The following BARX2 variants were observed in gnomAD, a reference collection of about 807,000 sequenced individuals.
BARX2 encodes the protein BARX homeobox 2, also known as homeobox protein BarH-like 2.
In BARX2, 11 loss-of-function variants were observed where a neutral mutation model predicts 25.5. The ratio of observed to expected loss-of-function variants is 0.43; its 90% CI spans 0.27 to 0.71. BARX2 has a LOEUF of 0.71. BARX2 is among the 30% of genes least tolerant of loss of function. The pLI is 0.19. For missense variants in BARX2, 360 were observed against 359.9 expected (o/e 1.00, Z 0.00); for synonymous variants, 137 against 149.5 (o/e 0.92, Z 0.61).
intron 1 of BARX2, among the ~76,000 whole-genome samples, chr11:129,429,529 G>GA (rs1328688584): frequency 1.3e-5 from 2 of 151,300 alleles, no homozygotes; most frequent in Admixed American, 6.6e-5. Flanking sequence ...TGTCTCTAAG[G>GA]AAAAAAAACG....
chr11:129,438,062 C>A (rs1277677366), intron 2 of BARX2: 2 of 151,516 alleles, frequency 1.3e-5, no homozygotes, highest in Middle Eastern at 3.2e-3. Flanking sequence ...TGTTGGCTCA[C>A]GCCTGTAATC....
At chr11:129,421,857 T>G (rs1164762009) in intron 1 of BARX2, among the ~76,000 whole-genome samples, 1 of 152,206 alleles carries the variant, frequency 6.6e-6, no homozygotes, top group Admixed American at 6.5e-5. Flanking sequence ...CTTTTTTTTT[T>G]GGACAGTTAT....
intron 1 of BARX2, among the ~76,000 whole-genome samples, chr11:129,395,985 A>G (rs1211456970): frequency 6.6e-6 from 1 of 152,176 alleles, no homozygotes; most frequent in Non-Finnish European, 1.5e-5. Context: ...GTCTGTTTCT[A>G]CAGCAGAAAG....
intron 1 of BARX2, among the ~76,000 whole-genome samples, chr11:129,377,836 C>T (rs1565506752): frequency 6.6e-6 from 1 of 152,178 alleles, no homozygotes; most frequent in East Asian, 1.9e-4. Flanking sequence ...TTTTCAGTGA[C>T]TTTGTGCTGT....
chr11:129,404,994 T>C (rs1266133973), intron 1 of BARX2, among the ~76,000 whole-genome samples: 1 of 152,202 alleles, frequency 6.6e-6, no homozygotes, highest in East Asian at 1.9e-4. Context: ...TGCAAAAATA[T>C]GTGGGTTATA....
chr11:129,435,266 G>C (rs1022826825), intron 1 of BARX2, among the ~76,000 whole-genome samples: 1 of 152,190 alleles, frequency 6.6e-6, no homozygotes, highest in South Asian at 2.1e-4. Context: ...GTTGGCTGGA[G>C]AGTTAATGGA....
chr11:129,426,749 T>C (rs1862067998), intron 1 of BARX2, among the ~76,000 whole-genome samples: 1 of 152,190 alleles, frequency 6.6e-6, no homozygotes, highest in African/African-American at 2.4e-5. Context: ...TCCTTGCCTG[T>C]TACTAACCTT....
At chr11:129,426,985 G>A (rs1015318130) in intron 1 of BARX2, among the ~76,000 whole-genome samples, 4 of 152,166 alleles carry the variant, frequency 2.6e-5, no homozygotes, top group African/African-American at 9.7e-5. Context: ...GAAACTGGCC[G>A]ACTCTGCTAC....
intron 3 of BARX2, among the ~76,000 whole-genome samples, chr11:129,450,928 T>C (rs927940194): frequency 4.6e-5 from 7 of 152,170 alleles, no homozygotes; most frequent in African/African-American, 9.7e-5. Flanking sequence ...CCAAAATATA[T>C]AATGTTGACC....
intron 2 of BARX2, among the ~76,000 whole-genome samples, chr11:129,441,153 T>G (rs1471485345): frequency 1.3e-5 from 2 of 152,196 alleles, no homozygotes; most frequent in East Asian, 3.9e-4. Context: ...CTCATTCTAC[T>G]TGTCCCACCC....
At chr11:129,424,251 T>C (rs149528759) in intron 1 of BARX2, among the ~76,000 whole-genome samples, 1 of 152,372 alleles carries the variant, frequency 6.6e-6, no homozygotes, top group African/African-American at 2.4e-5. Flanking sequence ...AGAGCCCTTC[T>C]GGGGAGCATC....
At chr11:129,447,476 G>A (rs980936273) in intron 3 of BARX2, among the ~76,000 whole-genome samples, 1 of 152,180 alleles carries the variant, frequency 6.6e-6, no homozygotes, top group African/African-American at 2.4e-5. Context: ...AGGGCTCCTA[G>A]GAGGAAGGCC....
rs755573967 is a variant in BARX2, at chr11:129,451,293, G to A, written c.731G>A (p.Cys244Tyr). 1.4e-5 allele frequency: 22 copies of A among 1,614,092 alleles called. No homozygotes were observed. The highest frequency in any genetic ancestry group is 4.5e-5 in the East Asian group (2 of 44,906). The change falls in exon 4 of 4, where the codon TGT becomes TAT. Residue 244 changes from cysteine (C) to tyrosine (Y), a missense_variant. By Grantham distance (194) the Cys-to-Tyr change is radical. This residue lies in a region of BARX2 where 114 missense variants were observed against 109.4 expected (regional missense o/e 1.04). Transcript: ENST00000281437. The stretch of plus-strand genomic sequence containing the variant: ...CCCTCTCAGGGGCAGGAGGAGCTCT[G>A]TGAAGCACAGGAACCGAAAGCACGT... ...LEPSQGQEEL[C>Y]EAQEPKARDV...
chr11:129,446,813 T>G (rs1862335645), intron 3 of BARX2, among the ~76,000 whole-genome samples: 1 of 152,148 alleles, frequency 6.6e-6, no homozygotes. Context: ...GGAGCAGCAG[T>G]GTCTGGGAGG....
At chr11:129,399,582 G>T (rs544626348) in intron 1 of BARX2, among the ~76,000 whole-genome samples, 1 of 152,270 alleles carries the variant, frequency 6.6e-6, no homozygotes, top group African/African-American at 2.4e-5. Flanking sequence ...TCAAGGGTGA[G>T]CTGGTGGTGT....
chr11:129,404,272 C>G (rs1035002120), intron 1 of BARX2, among the ~76,000 whole-genome samples: 1 of 152,194 alleles, frequency 6.6e-6, no homozygotes, highest in Non-Finnish European at 1.5e-5. Flanking sequence ...TGCAGGCTGA[C>G]GGGGTGAACA....
At chr11:129,447,298 C>T (rs1014781422) in intron 3 of BARX2, among the ~76,000 whole-genome samples, 2 of 152,170 alleles carry the variant, frequency 1.3e-5, no homozygotes, top group African/African-American at 4.8e-5. Flanking sequence ...CTGAATACCT[C>T]GTTGCAGAGT....
chr11:129,389,018 T>C (rs1244628952), intron 1 of BARX2, among the ~76,000 whole-genome samples: 1 of 152,172 alleles, frequency 6.6e-6, no homozygotes, highest in Non-Finnish European at 1.5e-5. Context: ...AGATAATGTA[T>C]ATAAAGCTCT....
At chr11:129,417,776 C>G (rs1233152584) in intron 1 of BARX2, among the ~76,000 whole-genome samples, 1 of 152,150 alleles carries the variant, frequency 6.6e-6, no homozygotes, top group African/African-American at 2.4e-5. Context: ...TAACAGTAGC[C>G]TCCATTTGTA....
Sources: gnomAD v4.1 joint callset for allele counts (sites outside exome capture counted in the v4.1 genomes callset) on GRCh38, gnomAD v4.1.1 for gene constraint, gnomAD v4.1.1 regional missense constraint, MANE v1.5 for transcripts, NCBI Gene and HGNC (gene_info 2026-07-23, HGNC 2026-07-21) for gene names.